SGCZ: variants seen among roughly 807,000 people sequenced by gnomAD.
SGCZ encodes the protein sarcoglycan zeta.
SGCZ carries 40 observed loss-of-function variants against 41.3 expected under a neutral mutation model. The ratio of observed to expected loss-of-function variants is 0.97; its 90% CI spans 0.75 to 1.26. SGCZ has a LOEUF of 1.26. Among genes scored for constraint, SGCZ ranks in the 50% most tolerant of loss-of-function variants. SGCZ has a pLI of 0.00. For missense variants in SGCZ, 552 were observed against 369.8 expected (o/e 1.49, Z -4.04); for synonymous variants, 206 against 137.5 (o/e 1.50, Z -3.49).
intron 1 of SGCZ, among the ~76,000 whole-genome samples, chr8:14,659,296 C>A (rs947422140): frequency 6.6e-6 from 1 of 151,994 alleles, no homozygotes; most frequent in Non-Finnish European, 1.5e-5. Context: ...GGTGATTAAC[C>A]CGATTTGATC....
chr8:14,993,762 G>A (rs1267382235), intron 1 of SGCZ, among the ~76,000 whole-genome samples: 3 of 152,160 alleles, frequency 2.0e-5, no homozygotes, highest in Non-Finnish European at 2.9e-5. Context: ...ATAGGCAGAA[G>A]AATAATAGGG....
intron 5 of SGCZ, among the ~76,000 whole-genome samples, chr8:14,155,604 G>A (rs565512094): frequency 6.6e-6 from 1 of 151,762 alleles, no homozygotes; most frequent in African/African-American, 2.4e-5. Flanking sequence ...TACATTTTTA[G>A]TTGGCATTCT....
At chr8:14,497,777 G>A (rs1802035857) in intron 2 of SGCZ, among the ~76,000 whole-genome samples, 1 of 152,012 alleles carries the variant, frequency 6.6e-6, no homozygotes, top group Non-Finnish European at 1.5e-5. Context: ...CCAACATTGG[G>A]GAACGCATTT....
At chr8:14,878,944 T>C (rs1181421394) in intron 1 of SGCZ, 1 of 152,270 alleles carries the variant, frequency 6.6e-6, no homozygotes, top group Non-Finnish European at 1.5e-5. Context: ...GTTTTACCTA[T>C]TCCCTATAAA....
intron 1 of SGCZ, among the ~76,000 whole-genome samples, chr8:14,791,546 G>A (rs1488545055): frequency 6.6e-6 from 1 of 152,050 alleles, no homozygotes; most frequent in Non-Finnish European, 1.5e-5. Context: ...CCTAATAGAA[G>A]TTTCTAGAGC....
At chr8:15,216,222 T>C (rs1224294152) in intron 1 of SGCZ, among the ~76,000 whole-genome samples, 5 of 77,212 alleles carry the variant, frequency 6.5e-5, no homozygotes, top group Non-Finnish European at 5.7e-5. Context: ...TCTTTTTTTT[T>C]CTTTTTTTTT....
rs182411304 is a variant in SGCZ, at chr8:14,740,675, T to C, written c.40-185749A>G. ...CAACTCTGTGCTTTCTCAGTCGTCC[T>C]GGGATTGCTGGAGTGCTTATGCCAT... On this transcript the variant is annotated intron_variant, in intron 1 of 7. Transcript: ENST00000382080. Among the ~76,000 whole-genome samples, 227 of 152,180 alleles carry C rather than the reference T, an allele frequency of 1.5e-3. 2 individuals are homozygous for C. Among genetic ancestry groups the C allele is most frequent in the African/African-American group, 4.8e-3 (201 of 41,552 alleles).
At chr8:15,137,498 T>G (rs73525100) in intron 1 of SGCZ, among the ~76,000 whole-genome samples, 10 of 151,832 alleles carry the variant, frequency 6.6e-5, no homozygotes, top group Admixed American at 6.6e-4. Flanking sequence ...GGCCCTAAGG[T>G]TGAAAAGGAA....
At chr8:15,012,572 T>TAC (rs1802867410) in intron 1 of SGCZ, among the ~76,000 whole-genome samples, 1 of 104,582 alleles carries the variant, frequency 9.6e-6, no homozygotes, top group African/African-American at 2.9e-5. Context: ...CATATAAATA[T>TAC]ATATTTATAT....
rs897408517 is a variant in SGCZ at position 15,097,164 on chromosome 8, C to A, written c.39+140421G>T. 1.3e-5 allele frequency among the ~76,000 whole-genome samples: 2 copies of A among 152,082 alleles called. 1 individual carries two copies. Among genetic ancestry groups the A allele is most frequent in the South Asian group, 4.2e-4 (2 of 4,818 alleles). On this transcript the variant is annotated intron_variant, in intron 1 of 7. Transcript: ENST00000382080. ...CTACAAACTGTTTGGGCCACTGTTACGTAAAGCCCATAAGTCTTGTACCCT... is the reference window on the plus strand; with the variant it reads ...CTACAAACTGTTTGGGCCACTGTTAAGTAAAGCCCATAAGTCTTGTACCCT...
At chr8:14,714,441 T>C (rs1019841284) in intron 1 of SGCZ, among the ~76,000 whole-genome samples, 6 of 152,218 alleles carry the variant, frequency 3.9e-5, no homozygotes, top group African/African-American at 9.6e-5. Flanking sequence ...CAACTTTAAC[T>C]GGCATTTAAA....
At chr8:15,170,186 C>A (rs115395346) in intron 1 of SGCZ, among the ~76,000 whole-genome samples, 2,141 of 152,256 alleles carry the variant, frequency 0.014, 61 homozygotes, top group African/African-American at 0.048. Flanking sequence ...TATACCTGCT[C>A]TCTGACACAC....
intron 1 of SGCZ, among the ~76,000 whole-genome samples, chr8:15,104,778 A>G (rs1235995806): frequency 5.3e-5 from 8 of 152,212 alleles, no homozygotes; most frequent in Non-Finnish European, 1.2e-4. Context: ...GGAACACTCC[A>G]TATTATGGAT....
chr8:14,724,334 T>C (rs1418937799), intron 1 of SGCZ, among the ~76,000 whole-genome samples: 1 of 151,742 alleles, frequency 6.6e-6, no homozygotes, highest in Non-Finnish European at 1.5e-5. Flanking sequence ...TGTGTTCTAA[T>C]TATTTTTTTC....
intron 1 of SGCZ, among the ~76,000 whole-genome samples, chr8:15,171,604 C>T (rs1212882150): frequency 1.3e-5 from 2 of 152,158 alleles, no homozygotes; most frequent in African/African-American, 4.8e-5. Context: ...TTCTCTGCAG[C>T]CATAAAGTTT....
chr8:14,667,050 G>A (rs1057107764), intron 1 of SGCZ, among the ~76,000 whole-genome samples: 2 of 151,946 alleles, frequency 1.3e-5, no homozygotes, highest in African/African-American at 4.8e-5. Context: ...CATATAGAGA[G>A]AGACATATAT....
intron 7 of SGCZ, among the ~76,000 whole-genome samples, chr8:14,101,617 GA>G (rs1802023893): frequency 1.1e-5 from 1 of 90,374 alleles, no homozygotes; most frequent in Non-Finnish European, 3.3e-5. Context: ...TAATATAGAA[GA>G]AAAATACTAA....
chr8:15,162,524 A>T (rs1221307409), intron 1 of SGCZ, among the ~76,000 whole-genome samples: 2 of 152,186 alleles, frequency 1.3e-5, no homozygotes, highest in African/African-American at 2.4e-5. Flanking sequence ...AAGTGTTTTG[A>T]TACTCAGATA....
At chr8:14,845,816 A>T (rs1803081382) in intron 1 of SGCZ, among the ~76,000 whole-genome samples, 1 of 152,158 alleles carries the variant, frequency 6.6e-6, no homozygotes. Context: ...CAGATTACAT[A>T]AAAAGATAAA....
Sources: allele counts gnomAD v4.1 joint callset (sites outside exome capture counted in the v4.1 genomes callset), GRCh38; gene constraint gnomAD v4.1.1; transcripts MANE v1.5; gene names NCBI Gene and HGNC (gene_info 2026-07-23, HGNC 2026-07-21).